MED13L: variants seen among roughly 807,000 people sequenced by gnomAD.
MED13L encodes the protein mediator complex subunit 13L, also known as mediator of RNA polymerase II transcription subunit 13-like.
In MED13L, 7 loss-of-function variants were observed where a neutral mutation model predicts 220.9. The ratio of observed to expected loss-of-function variants is 0.03; its 90% confidence interval spans 0.02 to 0.06. The LOEUF (loss-of-function observed/expected upper bound fraction) is 0.06. MED13L is among the 10% of genes least tolerant of loss of function. The probability of loss-of-function intolerance (pLI) is 1.00; values close to 1 mark genes in which losing one functional copy is unlikely to be tolerated. For missense variants in MED13L, 1,965 were observed against 2,760.5 expected (o/e 0.71, Z 6.46); for synonymous variants, 1,011 against 1,015.2 (o/e 1.00, Z 0.08).
intron 2 of MED13L, among the ~76,000 whole-genome samples, chr12:116,130,003 C>T (rs1040227053): frequency 6.6e-6 from 1 of 152,056 alleles, no homozygotes; most frequent in African/African-American, 2.4e-5. Context: ...CTTCAAAGTG[C>T]CATTAAGAAC....
intron 2 of MED13L, among the ~76,000 whole-genome samples, chr12:116,224,859 T>G (rs1321221267): frequency 1.3e-5 from 2 of 152,088 alleles, no homozygotes; most frequent in African/African-American, 4.8e-5. Context: ...TTAATTTTTT[T>G]GTAGAGATAA....
intron 4 of MED13L, among the ~76,000 whole-genome samples, chr12:116,064,436 G>A (rs894267754): frequency 5.3e-5 from 8 of 152,152 alleles, no homozygotes; most frequent in East Asian, 1.9e-4. Flanking sequence ...AGAACCCACC[G>A]ATATGGAGGG....
chr12:116,126,724 TTC>T (rs1210706449), intron 2 of MED13L, among the ~76,000 whole-genome samples: 2 of 152,234 alleles, frequency 1.3e-5, no homozygotes, highest in Admixed American at 1.3e-4. Flanking sequence ...GCTCTGTTGC[TTC>T]TTTTATAGTT....
intron 4 of MED13L, among the ~76,000 whole-genome samples, chr12:116,092,699 T>C (rs1872336200): frequency 6.6e-6 from 1 of 152,142 alleles, no homozygotes; most frequent in South Asian, 2.1e-4. Context: ...TTAAAAAGTC[T>C]GAAGTTAAGA....
chr12:116,116,412 G>C (rs1490292132), intron 2 of MED13L, among the ~76,000 whole-genome samples: 1 of 152,150 alleles, frequency 6.6e-6, no homozygotes, highest in South Asian at 2.1e-4. Flanking sequence ...GGAGGTTCTT[G>C]GAGGGTGGCG....
At chr12:116,019,528 A>T in intron 6 of MED13L, 116 bp from the exon 7 acceptor site, 1 of 1,221,390 alleles carries the variant, frequency 8.2e-7, no homozygotes, top group Non-Finnish European at 1.2e-6. Context: ...GCCAAAAGTG[A>T]TAGGCTCCAT....
At chr12:116,118,361 T>G (rs959461141) in intron 2 of MED13L, among the ~76,000 whole-genome samples, 5 of 152,138 alleles carry the variant, frequency 3.3e-5, no homozygotes, top group African/African-American at 1.2e-4. Flanking sequence ...AAACAAAATT[T>G]AAATATAAAT....
chr12:116,139,103 T>G (rs1440655746), intron 2 of MED13L, among the ~76,000 whole-genome samples: 1 of 152,168 alleles, frequency 6.6e-6, no homozygotes, highest in Non-Finnish European at 1.5e-5. Flanking sequence ...CACTGAACTT[T>G]CACTAGAAAA....
intron 25 of MED13L, among the ~76,000 whole-genome samples, chr12:115,974,797 G>C (rs537549193): frequency 6.6e-6 from 1 of 152,198 alleles, no homozygotes; most frequent in Admixed American, 6.5e-5. Context: ...CAAATTGAAG[G>C]CTGTTTTTAT....
intron 2 of MED13L, among the ~76,000 whole-genome samples, chr12:116,188,479 G>A (rs1593145284): frequency 6.6e-6 from 1 of 152,140 alleles, no homozygotes. Flanking sequence ...GCTAGTAAGG[G>A]GAAAAGTAAT....
At position 116,205,432 on chromosome 12, in the gene MED13L, T is replaced by C. The variant is rs571219435; in HGVS notation, c.310+32036A>G. 4.0e-5 allele frequency among the ~76,000 whole-genome samples: 6 copies of C among 149,572 alleles called. No individual in the cohort carries two copies. In the East Asian group the frequency reaches 1.2e-3, roughly 29 times the overall value. On this transcript the variant is annotated intron_variant, in intron 2 of 30. Transcript: ENST00000281928. ...AAGACATAAGTTCTTATTAGAAGAT[T>C]CCTTCCCTCACCACCCCATAAAAGA...
intron 2 of MED13L, among the ~76,000 whole-genome samples, chr12:116,145,963 AC>A (rs1200985091): frequency 1.3e-5 from 2 of 152,120 alleles, no homozygotes; most frequent in Non-Finnish European, 2.9e-5. Flanking sequence ...TCTATTTGTG[AC>A]CCCAAAAAGT....
intron 4 of MED13L, among the ~76,000 whole-genome samples, chr12:116,050,093 T>A (rs1467287699): frequency 6.6e-6 from 1 of 152,164 alleles, no homozygotes; most frequent in African/African-American, 2.4e-5. Context: ...ACTGGCCTGT[T>A]AAAATGTTCT....
intron 1 of MED13L, among the ~76,000 whole-genome samples, chr12:116,248,112 C>A (rs920446940): frequency 2.6e-5 from 4 of 152,138 alleles, no homozygotes; most frequent in Non-Finnish European, 5.9e-5. Context: ...GCCGCACATT[C>A]AATCCTTTCA....
At chr12:116,197,852 A>AT (rs1881739881) in intron 2 of MED13L, among the ~76,000 whole-genome samples, 1 of 152,118 alleles carries the variant, frequency 6.6e-6, no homozygotes, top group Non-Finnish European at 1.5e-5. Flanking sequence ...ACTCTTTATG[A>AT]TTTTTTAATC....
At chr12:115,981,277 T>C (rs1877310941) in intron 22 of MED13L, among the ~76,000 whole-genome samples, 1 of 152,208 alleles carries the variant, frequency 6.6e-6, no homozygotes, top group Non-Finnish European at 1.5e-5. Context: ...TTATATTTCT[T>C]TTTATAATTA....
At chr12:116,003,147 G>C in intron 13 of MED13L, 45 bp from the exon 14 acceptor site, 1 of 1,527,872 alleles carries the variant, frequency 6.5e-7, no homozygotes, top group Non-Finnish European at 9.1e-7. Context: ...GTGTATATAA[G>C]TAGGGCAGCA....
chr12:116,059,567 G>A (rs572392502), intron 4 of MED13L, among the ~76,000 whole-genome samples: 119 of 151,830 alleles, frequency 7.8e-4, no homozygotes, highest in Non-Finnish European at 1.4e-3. Flanking sequence ...ACAGACGCCC[G>A]CCACCATGCC....
chr12:116,016,526 T>C (rs371206030), intron 7 of MED13L, among the ~76,000 whole-genome samples: 1 of 152,146 alleles, frequency 6.6e-6, no homozygotes, highest in Non-Finnish European at 1.5e-5. Flanking sequence ...AAGTATGAAG[T>C]AGATAACATA....
Sources: gnomAD v4.1 joint callset for allele counts (sites outside exome capture counted in the v4.1 genomes callset) on GRCh38, gnomAD v4.1.1 for gene constraint, MANE v1.5 for transcripts, NCBI Gene and HGNC (gene_info 2026-07-23, HGNC 2026-07-21) for gene names.